Variants in TRPM3 observed in about 807,000 individuals in gnomAD.
TRPM3 encodes the protein long transient receptor potential channel 3.
TRPM3 carries 77 observed loss-of-function variants against 181.2 expected under a neutral mutation model. The observed-to-expected ratio is 0.42, with a 90% CI of 0.35 to 0.51. The LOEUF (loss-of-function observed/expected upper bound fraction) is 0.51. TRPM3 is among the 20% of genes least tolerant of loss of function. The probability of loss-of-function intolerance (pLI) is 0.01; values close to 1 mark genes in which losing one functional copy is unlikely to be tolerated. For missense variants in TRPM3, 1,759 were observed against 2,196.7 expected, an observed-to-expected ratio of 0.80 and a Z score of 3.98; for synonymous variants, 745 against 796.4, an observed-to-expected ratio of 0.94 and a Z score of 1.09.
At chr9:70,983,443 A>T (rs2097385408) in intron 1 of TRPM3, among the ~76,000 whole-genome samples, 1 of 152,136 alleles carries the variant, frequency 6.6e-6, no homozygotes, top group South Asian at 2.1e-4. Flanking sequence ...TCTATTCAAG[A>T]TCAATTTTTC....
intron 1 of TRPM3, among the ~76,000 whole-genome samples, chr9:71,425,666 C>T (rs191093793): frequency 1.7e-4 from 26 of 152,254 alleles, no homozygotes; most frequent in African/African-American, 5.8e-4. Flanking sequence ...CCCCTCACAA[C>T]GCATTTGCAG....
Position 71,165,110 on chromosome 9 carries a change from G to A in TRPM3, c.183+281543C>T, listed in dbSNP as rs112506446. Among the ~76,000 whole-genome samples the A allele has an allele frequency of 3.7e-3, 561 of 152,196 alleles. 4 individuals carry two copies. Among genetic ancestry groups the A allele is most frequent in the Non-Finnish European group, 5.7e-3 (390 of 68,008 alleles). On this transcript the variant is annotated intron_variant, in intron 1 of 24. Transcript: ENST00000357533. ...AGGACAATCAGTATAGACCAGCCCC[G>A]GAGCCAGGCTGACTGGGTCCAAATC...
chr9:71,377,500 C>T (rs1238552288), intron 1 of TRPM3, among the ~76,000 whole-genome samples: 1 of 151,986 alleles, frequency 6.6e-6, no homozygotes, highest in African/African-American at 2.4e-5. Context: ...TTGCCAGAAC[C>T]AACTTACCAT....
At chr9:71,102,900 T>G (rs2068667674) in intron 1 of TRPM3, among the ~76,000 whole-genome samples, 2 of 152,252 alleles carry the variant, frequency 1.3e-5, no homozygotes, top group South Asian at 4.1e-4. Flanking sequence ...TCAAAAATAT[T>G]TATTGGATTG....
At chr9:70,921,942 A>AACACACACACAC (rs71367238) in intron 1 of TRPM3, among the ~76,000 whole-genome samples, 1,804 of 139,382 alleles carry the variant, frequency 0.013, 24 homozygotes, top group African/African-American at 0.037. Flanking sequence ...CACACAAACA[A>AACACACACACAC]ACACACACAC....
intron 1 of TRPM3, among the ~76,000 whole-genome samples, chr9:70,989,984 G>C (rs543600988): frequency 6.6e-6 from 1 of 152,192 alleles, no homozygotes; most frequent in African/African-American, 2.4e-5. Context: ...TTGTTTAACT[G>C]TCATAACATT....
In TRPM3 at chr9:70,803,055, AAAAAC is replaced by A. The variant is rs1291020423; in HGVS notation, c.974-18781_974-18777del. ...TTGTAAAAAAAAAAAAAAAAAAAAAAAAAACAAAGGCCCAACTCCACCAATTTTCT... is the reference window on the plus strand; with the variant it reads ...TTGTAAAAAAAAAAAAAAAAAAAAAAAAAGGCCCAACTCCACCAATTTTCT... On this transcript the variant is annotated intron_variant, in intron 6 of 25. Coordinates refer to ENST00000677713, the MANE Select transcript of TRPM3 (RefSeq NM_001366145.2). Among the ~76,000 whole-genome samples the A allele has an allele frequency of 3.1e-4, 33 of 106,446 alleles. 1 individual carries two copies. Among genetic ancestry groups the A allele is most frequent in the Middle Eastern group, 4.7e-3 (1 of 212 alleles). The allele number at this position is 106,446 out of a possible 152,430, so 69.8% of individuals were successfully genotyped here.
rs1361362193 is a variant in TRPM3, at chr9:70,535,407, G to A, written c.*546C>T. 2 of 1,550,268 alleles carry A rather than the reference G, an allele frequency of 1.3e-6. No homozygotes were observed. The highest frequency in any genetic ancestry group is 1.2e-5 in the South Asian group (1 of 84,056). On this transcript the variant is annotated 3_prime_UTR_variant, in exon 26 of 26. Coordinates refer to ENST00000677713, the MANE Select transcript of TRPM3 (RefSeq NM_001366145.2). ...GGCATGAGAAGGATGTGGGACGTTA[G>A]GTAGAACTGCTTGCTGCCGGCTTAT...
chr9:70,940,594 T>C (rs761211473), intron 1 of TRPM3, among the ~76,000 whole-genome samples: 2 of 152,112 alleles, frequency 1.3e-5, no homozygotes, highest in African/African-American at 2.4e-5. Context: ...AAAAAAGAAA[T>C]ATATAAGAGC....
At chr9:70,669,373 G>A (rs1298296117) in intron 9 of TRPM3, among the ~76,000 whole-genome samples, 1 of 152,150 alleles carries the variant, frequency 6.6e-6, no homozygotes. Flanking sequence ...GGTGTTCTTG[G>A]TCTTTGCAAG....
chr9:70,806,402 A>T (rs1458396994), intron 6 of TRPM3, among the ~76,000 whole-genome samples: 3 of 152,168 alleles, frequency 2.0e-5, no homozygotes, highest in Non-Finnish European at 2.9e-5. Context: ...TTCAAGGTTA[A>T]CAAGTTTTTG....
chr9:71,137,735 G>A (rs1396254563), intron 1 of TRPM3, among the ~76,000 whole-genome samples: 1 of 152,130 alleles, frequency 6.6e-6, no homozygotes, highest in East Asian at 1.9e-4. Context: ...GGAAGCTTCA[G>A]GCTTGGAGGA....
At chr9:71,059,081 G>A (rs2061009400) in intron 1 of TRPM3, among the ~76,000 whole-genome samples, 1 of 126,828 alleles carries the variant, frequency 7.9e-6, no homozygotes, top group Admixed American at 9.7e-5. Flanking sequence ...GCAGCTCTAG[G>A]TGGCAGGGAC....
intron 1 of TRPM3, among the ~76,000 whole-genome samples, chr9:70,969,354 C>CA (rs2097215728): frequency 6.6e-6 from 1 of 151,892 alleles, no homozygotes; most frequent in African/African-American, 2.4e-5. Context: ...AGCAAACCAC[C>CA]ATGTCACGTG....
At chr9:71,012,283 A>G in intron 1 of TRPM3, among the ~76,000 whole-genome samples, 1 of 152,146 alleles carries the variant, frequency 6.6e-6, no homozygotes, top group East Asian at 1.9e-4. Flanking sequence ...TAGAGATACC[A>G]CTTTTTCAGA....
chr9:70,623,840 C>T (rs953939554), intron 14 of TRPM3, among the ~76,000 whole-genome samples: 38 of 150,580 alleles, frequency 2.5e-4, no homozygotes, highest in Non-Finnish European at 3.1e-4. Flanking sequence ...TGCACTTATG[C>T]GATTGTTTGG....
intron 1 of TRPM3, among the ~76,000 whole-genome samples, chr9:71,119,276 GGGAAGGACACACAGTAAT>G (rs2073104938): frequency 6.6e-6 from 1 of 152,090 alleles, no homozygotes; most frequent in Admixed American, 6.6e-5. Flanking sequence ...TTGAAAAAAT[GGGAAGGACACACAGTAAT>G]GCACTTTATT....
intron 1 of TRPM3, among the ~76,000 whole-genome samples, chr9:71,077,553 A>C (rs923293631): frequency 6.6e-6 from 1 of 152,188 alleles, no homozygotes; most frequent in Non-Finnish European, 1.5e-5. Context: ...CATAAATGCT[A>C]TAGGCTAGAA....
chr9:71,415,998 T>G (rs2093631048), intron 1 of TRPM3, among the ~76,000 whole-genome samples: 1 of 151,244 alleles, frequency 6.6e-6, no homozygotes. Flanking sequence ...GTAATCTTGT[T>G]ATAATATTCC....
Sources: gnomAD v4.1 joint callset for allele counts (sites outside exome capture counted in the v4.1 genomes callset) on GRCh38, gnomAD v4.1.1 for gene constraint, MANE v1.5 for transcripts, NCBI Gene and HGNC (gene_info 2026-07-23, HGNC 2026-07-21) for gene names.